Variants in CDH22 observed in about 807,000 individuals in gnomAD.
CDH22 encodes cadherin 22.
CDH22 carries 30 observed loss-of-function variants against 58.4 expected under a neutral mutation model. The observed-to-expected ratio is 0.51, with a 90% CI of 0.38 to 0.70. The LOEUF (loss-of-function observed/expected upper bound fraction) is 0.70. Ranked by LOEUF, CDH22 falls within the 30% of genes least tolerant of loss-of-function variation. The probability of loss-of-function intolerance (pLI) is 0.00; values close to 1 mark genes in which losing one functional copy is unlikely to be tolerated. For missense variants in CDH22, 1,014 were observed against 1,233.9 expected (o/e 0.82, Z 2.67); for synonymous variants, 513 against 558.2 (o/e 0.92, Z 1.14).
Position 46,241,237 on chromosome 20 carries a change from C to G in CDH22, c.276G>C (p.Glu92Asp). Reference sequence around the variant, plus strand: ...TGGTGTACTTGATGGCCCCGTCACCCTCGTCTGAGTCGGAGTGGATCTGGG... The same window carrying G: ...TGGTGTACTTGATGGCCCCGTCACCGTCGTCTGAGTCGGAGTGGATCTGGG... Reference protein sequence around the residue: ...YVGKIHSDSDEGDGAIKYTIS... With the variant: ...YVGKIHSDSDDGDGAIKYTIS... The change falls in exon 3 of 12, where the codon GAG (glutamate) becomes GAC (aspartate). Residue 92 changes from glutamate to aspartate, a missense_variant. Glu to Asp is a conservative substitution (Grantham distance 45, BLOSUM62 2). Transcript: ENST00000537909. This position sits in a 1 kb window ranked among gnomAD's most constrained non-coding sequence, Gnocchi z 5.2. 6.2e-7 allele frequency: 1 copy of G among 1,607,994 alleles called. No homozygotes were observed. Among genetic ancestry groups the G allele is most frequent in the Non-Finnish European group, 8.5e-7 (1 of 1,175,746 alleles).
In CDH22 at chr20:46,216,753, G is replaced by A; in HGVS notation, c.838+73C>T. On this transcript the variant is annotated intron_variant, in intron 5 of 11. Coordinates refer to ENST00000537909, the MANE Select transcript of CDH22 (RefSeq NM_021248.3). This position sits in a 1 kb window ranked among gnomAD's most constrained non-coding sequence, Gnocchi z 5.3. ...GGTGGGAAGTCTAAAGGGAAGCTGGGGTCAGCAGGTGGCTTGGATGGGGTA... is the reference window on the plus strand; with the variant it reads ...GGTGGGAAGTCTAAAGGGAAGCTGGAGTCAGCAGGTGGCTTGGATGGGGTA... The A allele has an allele frequency of 1.4e-6, 2 of 1,392,502 alleles. No homozygotes were observed. The highest frequency in any genetic ancestry group is 2.0e-6 in the Non-Finnish European group (2 of 996,778). The allele number at this position is 1,392,502 out of a possible 1,614,324, so 86.3% of individuals were successfully genotyped here.
intron 3 of CDH22, among the ~76,000 whole-genome samples, chr20:46,238,038 C>T (rs1320500643): frequency 6.6e-6 from 1 of 152,160 alleles, no homozygotes; most frequent in African/African-American, 2.4e-5. Context: ...GGCTGCTCTT[C>T]CCCTGGCACC....
At chr20:46,202,998 CCT>C (rs2085972936) in intron 7 of CDH22, among the ~76,000 whole-genome samples, 1 of 152,190 alleles carries the variant, frequency 6.6e-6, no homozygotes, top group Non-Finnish European at 1.5e-5. Context: ...AGAGCTGTCT[CCT>C]CTCTCCTCCC....
chr20:46,249,798 A>G (rs2086357127), intron 2 of CDH22, among the ~76,000 whole-genome samples: 1 of 152,192 alleles, frequency 6.6e-6, no homozygotes, highest in Non-Finnish European at 1.5e-5. Context: ...AACTGCTGAC[A>G]AGGCTCTGAG....
At position 46,174,239 on chromosome 20, in the gene CDH22, C is replaced by T; in HGVS notation, c.*267G>A. 8.7e-6 allele frequency: 4 copies of T among 458,900 alleles called. No individual in the cohort carries two copies. Among genetic ancestry groups the T allele is most frequent in the Non-Finnish European group, 1.5e-5 (4 of 263,354 alleles). The allele number at this position is 458,900 out of a possible 1,614,324, so 28.4% of individuals were successfully genotyped here. A position where few individuals can be genotyped will look rare whatever the true frequency, so the allele number is the denominator to read the frequency against. ...ACTCTGCAACGCCACCCCCATCTCCCATTCTAACCCCAGAGCCACACCGTG... is the reference window on the plus strand; with the variant it reads ...ACTCTGCAACGCCACCCCCATCTCCTATTCTAACCCCAGAGCCACACCGTG... On this transcript the variant is annotated 3_prime_UTR_variant, in exon 12 of 12. Coordinates refer to ENST00000537909, the MANE Select transcript of CDH22 (RefSeq NM_021248.3). The surrounding 1 kb of genome is among the most constrained non-coding windows in gnomAD (Gnocchi z 4.4).
chr20:46,254,936 T>C (rs1347803768), intron 1 of CDH22, among the ~76,000 whole-genome samples: 1 of 152,156 alleles, frequency 6.6e-6, no homozygotes, highest in Admixed American at 6.5e-5. Flanking sequence ...ATTTGGGGTG[T>C]TGGGGAGGAG....
At chr20:46,288,437 C>G (rs559744676) in intron 1 of CDH22, among the ~76,000 whole-genome samples, 1 of 152,108 alleles carries the variant, frequency 6.6e-6, no homozygotes, top group Non-Finnish European at 1.5e-5. Flanking sequence ...CACATGTAAC[C>G]CCGCAGCTTG....
chr20:46,287,078 C>T (rs955989181), intron 1 of CDH22, among the ~76,000 whole-genome samples: 1 of 152,060 alleles, frequency 6.6e-6, no homozygotes, highest in Non-Finnish European at 1.5e-5. Flanking sequence ...TCCGTCATCC[C>T]ATGGAATTTA....
intron 1 of CDH22, among the ~76,000 whole-genome samples, chr20:46,267,525 G>A (rs1436702666): frequency 1.3e-5 from 2 of 152,194 alleles, no homozygotes; most frequent in Admixed American, 1.3e-4. Flanking sequence ...ACATGGCTAG[G>A]GGCCAACTCC....
chr20:46,180,059 G>A (rs907562895), intron 10 of CDH22, among the ~76,000 whole-genome samples: 3 of 152,080 alleles, frequency 2.0e-5, no homozygotes, highest in East Asian at 1.9e-4. Context: ...CTCTGACTAC[G>A]CAGGTGCCAT....
intron 1 of CDH22, among the ~76,000 whole-genome samples, chr20:46,284,327 TC>T (rs2086566408): frequency 1.3e-5 from 2 of 152,162 alleles, no homozygotes; most frequent in Non-Finnish European, 2.9e-5. Flanking sequence ...GCCTCCCTGC[TC>T]CTAAGCCCTG....
chr20:46,280,895 A>G (rs1176443365), intron 1 of CDH22, among the ~76,000 whole-genome samples: 1 of 152,238 alleles, frequency 6.6e-6, no homozygotes, highest in Non-Finnish European at 1.5e-5. Flanking sequence ...TGTCTGGCTT[A>G]ACCCTGAATG....
At chr20:46,194,766 G>C (rs1464090665) in intron 8 of CDH22, among the ~76,000 whole-genome samples, 2 of 152,204 alleles carry the variant, frequency 1.3e-5, no homozygotes, top group Non-Finnish European at 2.9e-5. Context: ...GTCTCGGTCT[G>C]TCTCCCAGGC....
chr20:46,267,442 G>T (rs987484238), intron 1 of CDH22, among the ~76,000 whole-genome samples: 1 of 152,362 alleles, frequency 6.6e-6, no homozygotes, highest in Non-Finnish European at 1.5e-5. Flanking sequence ...ATCCTCCTGA[G>T]ATGGGCTTTA....
At chr20:46,221,564 A>G (rs2086125957) in intron 4 of CDH22, among the ~76,000 whole-genome samples, 1 of 152,170 alleles carries the variant, frequency 6.6e-6, no homozygotes, top group Non-Finnish European at 1.5e-5. Flanking sequence ...AAGGTCTCTT[A>G]AGGCCTAATG....
At chr20:46,243,844 T>C (rs1028566258) in intron 2 of CDH22, among the ~76,000 whole-genome samples, 3 of 152,236 alleles carry the variant, frequency 2.0e-5, no homozygotes, top group Non-Finnish European at 4.4e-5. Context: ...GTCTTCATCA[T>C]TGCCCTGTGA....
Position 46,174,914 on chromosome 20 carries a change from G to A in CDH22, c.2079C>T (p.Asp693=). The A allele has an allele frequency of 1.3e-6, 2 of 1,481,478 alleles. No individual in the cohort carries two copies. Among genetic ancestry groups the A allele is most frequent in the Non-Finnish European group, 1.8e-6 (2 of 1,110,850 alleles). The allele number at this position is 1,481,478 out of a possible 1,614,324, so 91.8% of individuals were successfully genotyped here. ...CGTCGCCGCCCTTGAGCTCGCCGAA[G>A]TCGTAGAGGCTCCGCAGCGCCGACA... ...YDMSALRSLY[D]FGELKGGDGG... Residue 693 remains aspartate, a synonymous_variant, in exon 12 of 12, where the codon GAC becomes GAT. Coordinates refer to ENST00000537909, the MANE Select transcript of CDH22 (RefSeq NM_021248.3). The surrounding 1 kb of genome is among the most constrained non-coding windows in gnomAD (Gnocchi z 4.4).
rs538884088 is a variant in CDH22 at position 46,227,542 on chromosome 20, G to T, written c.636C>A (p.Asp212Glu). Residue 212 changes from aspartate (D) to glutamate (E), a missense_variant, in exon 4 of 12, where the codon GAC (aspartate) becomes GAA (glutamate). Coordinates refer to ENST00000537909, the MANE Select transcript of CDH22 (RefSeq NM_021248.3). ...SSARLVYSVL[D>E]GEHHFTVDPK... is the part of the protein sequence containing the mutation. ...GGTCCACGGTGAAGTGGTGCTCGCC[G>T]TCCAGCACGCTGTACACCAGCCGAG... 4 of 1,497,900 alleles carry T rather than the reference G, an allele frequency of 2.7e-6. No individual in the cohort carries two copies. The East Asian group carries it at 1.1e-4, about 43-fold the overall frequency. 92.8% of individuals were successfully genotyped at this position (1,497,900 alleles called of 1,614,324 possible). A position where few individuals can be genotyped will look rare whatever the true frequency, so the allele number is the denominator to read the frequency against.
At chr20:46,223,703 TTCTTTCTTTCTTTTTCTTTCTTTCTC>T (rs2086146943) in intron 4 of CDH22, among the ~76,000 whole-genome samples, 1 of 86,988 alleles carries the variant, frequency 1.1e-5, no homozygotes, top group Admixed American at 1.2e-4. Flanking sequence ...CTTTCTTTCT[TTCTTTCTTTCTTTTTCTTTCTTTCTC>T]TTTCTTTCTT....
Sources: gnomAD v4.1 joint callset for allele counts (sites outside exome capture counted in the v4.1 genomes callset) on GRCh38, gnomAD v4.1.1 for gene constraint, Gnocchi (gnomAD v3.1) non-coding constraint, MANE v1.5 for transcripts, NCBI Gene and HGNC (gene_info 2026-07-23, HGNC 2026-07-21) for gene names.